DDX6: variants seen among roughly 807,000 people sequenced by gnomAD.
DDX6 encodes DEAD-box helicase 6, also known as probable ATP-dependent RNA helicase DDX6.
A neutral mutation model predicts 60.6 loss-of-function variants in DDX6; 7 were observed. The ratio of observed to expected loss-of-function variants is 0.12; its 90% CI spans 0.07 to 0.22. The LOEUF (loss-of-function observed/expected upper bound fraction) is 0.22, where lower values mean the gene tolerates loss of function less well. DDX6 is among the 10% of genes least tolerant of loss of function. The probability of loss-of-function intolerance (pLI) is 1.00; values close to 1 mark genes in which losing one functional copy is unlikely to be tolerated. For synonymous variants in DDX6, 207 were observed against 201.0 expected, an observed-to-expected ratio of 1.03 and a Z score of -0.25; for missense variants, 270 against 589.9, an observed-to-expected ratio of 0.46 and a Z score of 5.62.
intron 4 of DDX6, among the ~76,000 whole-genome samples, chr11:118,777,923 G>C (rs1555163933): frequency 1.7e-5 from 2 of 119,678 alleles, no homozygotes; most frequent in Admixed American, 8.3e-5. Flanking sequence ...AACCAAGAAA[G>C]TACTCAAGAA....
At chr11:118,774,664 T>A (rs1330300407) in intron 4 of DDX6, among the ~76,000 whole-genome samples, 3 of 151,966 alleles carry the variant, frequency 2.0e-5, no homozygotes, top group African/African-American at 7.3e-5. Flanking sequence ...ACTCAAGCAA[T>A]CCACCCACCT....
At chr11:118,762,065 A>G (rs1861189289) in intron 7 of DDX6, among the ~76,000 whole-genome samples, 1 of 152,092 alleles carries the variant, frequency 6.6e-6, no homozygotes, top group South Asian at 2.1e-4. Flanking sequence ...ACCTGAGGTC[A>G]GGAGTTCGAG....
chr11:118,760,209 G>A (rs1555159868), intron 7 of DDX6, among the ~76,000 whole-genome samples, 165 bp from the exon 8 acceptor site: 1 of 152,142 alleles, frequency 6.6e-6, no homozygotes, highest in East Asian at 1.9e-4. Flanking sequence ...CAAATATGCA[G>A]AAGGGGGCAA....
chr11:118,786,147 G>A lies in DDX6; in HGVS notation c.105C>T (p.Gly35=), dbSNP rs371201735. 306 of 1,613,804 alleles carry A rather than the reference G, an allele frequency of 1.9e-4. No homozygotes were observed. The highest frequency in any genetic ancestry group is 2.5e-4 in the Non-Finnish European group (298 of 1,179,902). The change falls in exon 2 of 14, where the codon GGC becomes GGT. Residue 35 remains glycine (G), a synonymous_variant. Transcript: ENST00000534980. ...VKPTGGPGGG[G]TQTQQQMNQL... is the part of the protein sequence containing the mutation. Reference sequence around the variant, plus strand: ...GGTTCATCTGTTGCTGTGTCTGTGTGCCCCCTCCTCCAGGGCCACCAGTGG... The same window carrying A: ...GGTTCATCTGTTGCTGTGTCTGTGTACCCCCTCCTCCAGGGCCACCAGTGG...
At position 118,755,453 on chromosome 11, in the gene DDX6, A is replaced by T; in HGVS notation, c.1225T>A (p.Phe409Ile). 6.2e-7 allele frequency: 1 copy of T among 1,611,450 alleles called. No individual in the cohort carries two copies. The highest frequency in any genetic ancestry group is 8.5e-7 in the Non-Finnish European group (1 of 1,177,994). ...DIQAVNVVIN[F>I]DFPKLAETYL... ...GTCTCTGCCAGCTTTGGGAAATCAA[A>T]GTTTATTACCACATTCACAGCTTGT... Residue 409 changes from phenylalanine (F) to isoleucine (I), a missense_variant, in exon 12 of 14, where the codon TTT becomes ATT. Phe to Ile is a conservative substitution (Grantham distance 21). This residue lies in a region of DDX6 where 69 missense variants were observed against 208.2 expected (regional missense o/e 0.33). Coordinates refer to ENST00000534980, the MANE Select transcript of DDX6 (RefSeq NM_004397.6).
chr11:118,786,768 T>C (rs1862087624), intron 1 of DDX6: 1 of 154,328 alleles, frequency 6.5e-6, no homozygotes, highest in African/African-American at 2.4e-5. Context: ...AGAAAGAGAC[T>C]AGTAAATTAG....
intron 6 of DDX6, among the ~76,000 whole-genome samples, chr11:118,763,706 A>C (rs1309301067): frequency 3.3e-5 from 5 of 151,500 alleles, no homozygotes; most frequent in South Asian, 2.1e-4. Flanking sequence ...TGGTGGTGGG[A>C]GCCTGTAATC....
Position 118,749,733 on chromosome 11 carries a change from A to T in DDX6, c.*2372T>A, listed in dbSNP as rs1367281537. The T allele has an allele frequency of 6.6e-6, 1 of 152,658 alleles. No homozygotes were observed. Among genetic ancestry groups the T allele is most frequent in the Non-Finnish European group, 1.5e-5 (1 of 68,034 alleles). The allele number at this position is 152,658 out of a possible 1,614,324, so 9.5% of individuals were successfully genotyped here. On this transcript the variant is annotated 3_prime_UTR_variant, in exon 14 of 14. Transcript: ENST00000534980. ...CTTATCTCGCAAGAGGTGGGGGAGA[A>T]AGAGAGCTGCATCGGTACAAGGGCA...
chr11:118,757,364 C>A (rs1461922631), intron 9 of DDX6, 77 bp from the exon 10 acceptor site: 4 of 696,226 alleles, frequency 5.7e-6, no homozygotes, highest in African/African-American at 5.6e-5. Flanking sequence ...AAAACACGAA[C>A]CAGCAAAAAA....
intron 9 of DDX6, among the ~76,000 whole-genome samples, chr11:118,758,522 C>CG (rs1216971141): frequency 1.3e-5 from 2 of 152,122 alleles, no homozygotes; most frequent in Non-Finnish European, 2.9e-5. Context: ...TATGGGCACA[C>CG]GCCACCATGC....
intron 4 of DDX6, among the ~76,000 whole-genome samples, chr11:118,773,399 C>G (rs1861599354): frequency 6.9e-6 from 1 of 145,806 alleles, no homozygotes; most frequent in African/African-American, 2.5e-5. Flanking sequence ...GAAACCCCGT[C>G]TCTACTAAAA....
In DDX6 at chr11:118,782,090, G is replaced by A. The variant is rs140512757; in HGVS notation, c.201-906C>T. On this transcript the variant is annotated intron_variant, in intron 2 of 13. Transcript: ENST00000534980. ...TAGCCAGCCATGGTGGCATGTGCCT[G>A]TAATCCCAGCTACTCAAGAGGCTGA... Among the ~76,000 whole-genome samples, 341 of 152,294 alleles carry A rather than the reference G, an allele frequency of 2.2e-3. 1 individual carries two copies. The highest frequency in any genetic ancestry group is 0.01 in the Middle Eastern group (3 of 294).
In DDX6 at chr11:118,749,352, A is replaced by G. The variant is rs1860670173; in HGVS notation, c.*2753T>C. Reference sequence around the variant, plus strand: ...CAATGCTTATTATGAGGGCCCAAAAAAGAAAGAAAAAAAAAAAAAAAAAAA... The same window carrying G: ...CAATGCTTATTATGAGGGCCCAAAAGAGAAAGAAAAAAAAAAAAAAAAAAA... On this transcript the variant is annotated 3_prime_UTR_variant, in exon 14 of 14. Coordinates refer to ENST00000534980, the MANE Select transcript of DDX6 (RefSeq NM_004397.6). 1 of 114,010 alleles carries G rather than the reference A, an allele frequency of 8.8e-6. No individual in the cohort carries two copies. The highest frequency in any genetic ancestry group is 3.6e-4 in the East Asian group (1 of 2,748). The allele number at this position is 114,010 out of a possible 1,614,324, so 7.1% of individuals were successfully genotyped here. A position where few individuals can be genotyped will look rare whatever the true frequency, so the allele number is the denominator to read the frequency against.
At position 118,756,181 on chromosome 11, in the gene DDX6, C is replaced by T. The variant is rs1417268051; in HGVS notation, c.1174+79G>A. On this transcript the variant is annotated intron_variant, in intron 11 of 13. Transcript: ENST00000534980. ...GTGTGTCGGACTATGTCACAGGTTGCACTATGTAATATGAACAGAGAAAGC... is the reference window on the plus strand; with the variant it reads ...GTGTGTCGGACTATGTCACAGGTTGTACTATGTAATATGAACAGAGAAAGC... The T allele has an allele frequency of 4.5e-6, 5 of 1,099,242 alleles. No individual in the cohort carries two copies. The Admixed American group carries it at 7.3e-5, about 16-fold the overall frequency. 68.1% of individuals were successfully genotyped at this position (1,099,242 alleles called of 1,614,324 possible). A position where few individuals can be genotyped will look rare whatever the true frequency, so the allele number is the denominator to read the frequency against.
chr11:118,759,234 AT>A (rs1555159664), intron 8 of DDX6: 2 of 186,442 alleles, frequency 1.1e-5, no homozygotes, highest in Non-Finnish European at 2.2e-5. Flanking sequence ...TAATTTTTGT[AT>A]TTTTAGTAGA....
chr11:118,787,422 T>C (rs1862110718), intron 1 of DDX6: 1 of 152,048 alleles, frequency 6.6e-6, no homozygotes, highest in Admixed American at 6.6e-5. Flanking sequence ...TGAGCCAAGA[T>C]TGTGCCACTG....
chr11:118,780,829 T>C (rs1408908531), intron 3 of DDX6, among the ~76,000 whole-genome samples: 1 of 152,036 alleles, frequency 6.6e-6, no homozygotes, highest in Non-Finnish European at 1.5e-5. Flanking sequence ...TCCTTTAGCT[T>C]CCCCCCTATT....
intron 1 of DDX6, among the ~76,000 whole-genome samples, chr11:118,790,679 G>GA (rs1862243317): frequency 2.0e-5 from 3 of 151,926 alleles, no homozygotes; most frequent in Admixed American, 1.3e-4. Flanking sequence ...ACCCTGCTGC[G>GA]CACCACATTC....
Position 118,754,805 on chromosome 11 carries a change from C to T in DDX6, c.1359G>A (p.Leu453=). The change falls in exon 13 of 14, where the codon CTG becomes CTA. Residue 453 remains leucine, a synonymous_variant. Coordinates refer to ENST00000534980, the MANE Select transcript of DDX6 (RefSeq NM_004397.6). ...RFNLKSIEEQ[L]GTEIKPIPSN... is the part of the protein sequence containing the mutation. ...TCGGAATAGGTTTAATTTCTGTTCC[C>T]AGCTGCTCCTCAATACTTTTCAGGT... is the stretch of plus-strand genomic sequence containing the variant. The T allele has an allele frequency of 6.2e-7, 1 of 1,613,880 alleles. No homozygotes were observed. The highest frequency in any genetic ancestry group is 8.5e-7 in the Non-Finnish European group (1 of 1,179,862).
Sources: gnomAD v4.1 joint callset for allele counts (sites outside exome capture counted in the v4.1 genomes callset) on GRCh38, gnomAD v4.1.1 for gene constraint, gnomAD v4.1.1 regional missense constraint, MANE v1.5 for transcripts, NCBI Gene and HGNC (gene_info 2026-07-23, HGNC 2026-07-21) for gene names.